Variants in CNBD1 observed in about 807,000 individuals in gnomAD.
The protein encoded by CNBD1 is cyclic nucleotide-binding domain-containing protein 1.
CNBD1 carries 71 observed loss-of-function variants against 54.4 expected under a neutral mutation model. The ratio of observed to expected loss-of-function variants is 1.30; its 90% CI spans 1.08 to 1.59. CNBD1 has a LOEUF of 1.59. Ranked by LOEUF, CNBD1 falls within the 40% of genes most tolerant of loss-of-function variation. The pLI is 0.00. For missense variants in CNBD1, 659 were observed against 518.0 expected (o/e 1.27, Z -2.64); for synonymous variants, 182 against 170.7 (o/e 1.07, Z -0.51).
intron 4 of CNBD1, among the ~76,000 whole-genome samples, chr8:87,083,119 G>A (rs896071359): frequency 6.6e-6 from 1 of 152,076 alleles, no homozygotes; most frequent in South Asian, 2.1e-4. Context: ...TATATATCAT[G>A]ACTTACTTTC....
intron 1 of CNBD1, among the ~76,000 whole-genome samples, chr8:86,871,465 C>T (rs1032304613): frequency 1.3e-5 from 2 of 152,224 alleles, no homozygotes; most frequent in Non-Finnish European, 2.9e-5. Context: ...ACTCTACACT[C>T]AAAAGCTGTC....
chr8:87,409,111 G>A (rs925458227), intron 2 of CNBD1, among the ~76,000 whole-genome samples: 3 of 152,190 alleles, frequency 2.0e-5, no homozygotes, highest in African/African-American at 7.2e-5. Context: ...GTCGAAAGCT[G>A]AGAAAGGCTG....
intron 4 of CNBD1, among the ~76,000 whole-genome samples, chr8:87,200,641 C>A (rs906188156): frequency 6.6e-6 from 1 of 152,006 alleles, no homozygotes; most frequent in Non-Finnish European, 1.5e-5. Context: ...AAACCGTATG[C>A]TAACAATGAT....
At chr8:87,002,132 C>T (rs1809005601) in intron 4 of CNBD1, among the ~76,000 whole-genome samples, 1 of 152,044 alleles carries the variant, frequency 6.6e-6, no homozygotes. Context: ...TCTCTCATAC[C>T]TTATATCTAA....
In CNBD1 at chr8:87,298,078, A is replaced by G. The variant is rs187533440; in HGVS notation, c.1042+11407A>G. Among the ~76,000 whole-genome samples the G allele has an allele frequency of 1.3e-3, 192 of 152,062 alleles. 1 individual carries two copies. Among genetic ancestry groups the G allele is most frequent in the South Asian group, 9.5e-3 (46 of 4,820 alleles). Reference sequence around the variant, plus strand: ...TGTATTTTAAATACATCAGGAAACAATATTTACAGACATAATAATTATTTG... The same window carrying G: ...TGTATTTTAAATACATCAGGAAACAGTATTTACAGACATAATAATTATTTG... On this transcript the variant is annotated intron_variant, in intron 8 of 10. Transcript: ENST00000518476.
intron 2 of CNBD1, among the ~76,000 whole-genome samples, chr8:86,891,629 T>A (rs987763018): frequency 6.6e-6 from 1 of 152,070 alleles, no homozygotes; most frequent in Non-Finnish European, 1.5e-5. Flanking sequence ...GAAGATGACA[T>A]TGGAATTGTG....
chr8:87,020,026 G>GT (rs1425067117), intron 4 of CNBD1, among the ~76,000 whole-genome samples: 1 of 152,048 alleles, frequency 6.6e-6, no homozygotes, highest in African/African-American at 2.4e-5. Flanking sequence ...ATGCATATGG[G>GT]TTTTTTCTGG....
chr8:87,150,016 A>G (rs1229440964), intron 4 of CNBD1, among the ~76,000 whole-genome samples: 1 of 152,084 alleles, frequency 6.6e-6, no homozygotes, highest in Non-Finnish European at 1.5e-5. Context: ...TTTACCAAAA[A>G]AATATAAAAA....
chr8:86,980,530 G>A (rs539722071), intron 4 of CNBD1, among the ~76,000 whole-genome samples: 2 of 152,190 alleles, frequency 1.3e-5, no homozygotes, highest in Admixed American at 6.5e-5. Context: ...GTTTGATAGA[G>A]TTTATTTTAG....
chr8:87,209,813 A>G (rs1350274818), intron 5 of CNBD1, among the ~76,000 whole-genome samples: 1 of 152,234 alleles, frequency 6.6e-6, no homozygotes, highest in African/African-American at 2.4e-5. Context: ...AGGCAATGGC[A>G]TAAAAACAGA....
intron 10 of CNBD1, among the ~76,000 whole-genome samples, chr8:87,364,227 A>G (rs531243634): frequency 2.0e-5 from 3 of 150,788 alleles, no homozygotes; most frequent in Admixed American, 1.3e-4. Flanking sequence ...ATAAGTATCT[A>G]TATATATGTA....
At chr8:87,426,016 C>T (rs1008196795) in intron 2 of CNBD1, among the ~76,000 whole-genome samples, 6 of 152,188 alleles carry the variant, frequency 3.9e-5, no homozygotes, top group African/African-American at 9.6e-5. Context: ...GATATAATCT[C>T]GTGGTGCACC....
intron 6 of CNBD1, among the ~76,000 whole-genome samples, chr8:87,248,568 C>G (rs1204482584): frequency 1.3e-5 from 2 of 152,200 alleles, no homozygotes; most frequent in Non-Finnish European, 2.9e-5. Flanking sequence ...TGTGGAGAAG[C>G]AGCTTTGAAG....
chr8:87,235,139 G>A (rs1383129870), intron 5 of CNBD1, among the ~76,000 whole-genome samples: 6 of 152,246 alleles, frequency 3.9e-5, no homozygotes, highest in African/African-American at 1.4e-4. Flanking sequence ...ATAGGGCCTT[G>A]TTCTGGATTA....
chr8:87,151,661 AC>A (rs963117684), intron 4 of CNBD1, among the ~76,000 whole-genome samples: 2 of 152,042 alleles, frequency 1.3e-5, no homozygotes, highest in African/African-American at 4.8e-5. Flanking sequence ...TGTATGTTAC[AC>A]CCTTTTGACT....
intron 4 of CNBD1, among the ~76,000 whole-genome samples, chr8:87,164,009 A>G (rs981427488): frequency 2.1e-4 from 32 of 151,876 alleles, no homozygotes; most frequent in Non-Finnish European, 4.4e-4. Context: ...TTTTGAAAGA[A>G]TGCCTAGTTT....
intron 8 of CNBD1, among the ~76,000 whole-genome samples, chr8:87,335,000 A>T (rs899584524): frequency 1.3e-5 from 2 of 152,036 alleles, no homozygotes; most frequent in Non-Finnish European, 2.9e-5. Flanking sequence ...CTGGGATTAC[A>T]TGCATGAGCC....
intron 4 of CNBD1, among the ~76,000 whole-genome samples, chr8:86,962,181 G>A (rs1354696515): frequency 6.6e-6 from 1 of 152,058 alleles, no homozygotes; most frequent in Non-Finnish European, 1.5e-5. Context: ...GGTTATCTTG[G>A]GGCCCTTCAT....
intron 4 of CNBD1, among the ~76,000 whole-genome samples, chr8:86,965,635 G>A (rs1459981130): frequency 6.6e-6 from 1 of 152,132 alleles, no homozygotes; most frequent in Non-Finnish European, 1.5e-5. Context: ...CTGCAGATGA[G>A]CCCTCAAAAT....
Sources: allele counts gnomAD v4.1 joint callset (sites outside exome capture counted in the v4.1 genomes callset), GRCh38; gene constraint gnomAD v4.1.1; transcripts MANE v1.5; gene names NCBI Gene and HGNC (gene_info 2026-07-23, HGNC 2026-07-21).